Variants in DDX10 observed in about 807,000 individuals in gnomAD.
DDX10 encodes DEAD-box helicase 10, also known as probable ATP-dependent RNA helicase DDX10.
DDX10 carries 74 observed loss-of-function variants against 104.3 expected under a neutral mutation model. That is an observed-to-expected ratio of 0.71 (90% CI 0.59 to 0.86). DDX10 has a LOEUF of 0.86. DDX10 is among the 40% of genes least tolerant of loss of function. The pLI, the probability that DDX10 is intolerant of heterozygous loss-of-function variation, is 0.00. For synonymous variants in DDX10, 351 were observed against 353.4 expected (o/e 0.99, Z 0.08); for missense variants, 952 against 1,040.0 (o/e 0.92, Z 1.16).
intron 6 of DDX10, among the ~76,000 whole-genome samples, chr11:108,682,351 C>T (rs1426113166): frequency 1.3e-5 from 2 of 152,130 alleles, no homozygotes; most frequent in South Asian, 2.1e-4. Flanking sequence ...GTGATCCACC[C>T]GCCTCGGCCT....
intron 6 of DDX10, among the ~76,000 whole-genome samples, chr11:108,681,126 AT>A (rs1047881352): frequency 2.4e-4 from 37 of 152,196 alleles, no homozygotes; most frequent in African/African-American, 8.7e-4. Context: ...CATCAGACAG[AT>A]TTTTTTAATC....
chr11:108,928,728 C>T (rs185316442), intron 17 of DDX10, among the ~76,000 whole-genome samples: 9 of 152,030 alleles, frequency 5.9e-5, no homozygotes, highest in African/African-American at 1.2e-4. Flanking sequence ...GAAGATCTAA[C>T]GAGGGTAAAA....
intron 13 of DDX10, among the ~76,000 whole-genome samples, chr11:108,724,984 T>C (rs1282262380): frequency 2.0e-5 from 3 of 152,068 alleles, no homozygotes; most frequent in African/African-American, 7.2e-5. Context: ...ACATTTCTTA[T>C]TCCCTTTGCA....
rs559877914 is a variant in DDX10 at position 108,783,065 on chromosome 11, T to A, written c.1966-55381T>A. ...TCAGATTATTCATCGCCTCTTTGAA[T>A]CCGTTTCCTAGTGCCCACTCACTAT... On this transcript the variant is annotated intron_variant, in intron 13 of 17. Coordinates refer to ENST00000322536, the MANE Select transcript of DDX10 (RefSeq NM_004398.4). Among the ~76,000 whole-genome samples the A allele has an allele frequency of 7.9e-5, 12 of 152,326 alleles. No individual in the cohort carries two copies. In the South Asian group the frequency reaches 2.5e-3, roughly 32 times the overall value.
At chr11:108,828,175 A>G (rs893967764) in intron 13 of DDX10, among the ~76,000 whole-genome samples, 5 of 152,126 alleles carry the variant, frequency 3.3e-5, no homozygotes, top group African/African-American at 1.2e-4. Context: ...TTATTTCAAC[A>G]GGTTTTTGGT....
intron 16 of DDX10, among the ~76,000 whole-genome samples, chr11:108,898,548 G>A (rs892099436): frequency 7.2e-5 from 11 of 151,770 alleles, no homozygotes; most frequent in African/African-American, 2.7e-4. Flanking sequence ...AAAGCTATTT[G>A]TGGGAGGAAA....
intron 6 of DDX10, among the ~76,000 whole-genome samples, chr11:108,682,186 C>A (rs1426428952): frequency 2.0e-5 from 3 of 152,068 alleles, no homozygotes; most frequent in Non-Finnish European, 4.4e-5. Flanking sequence ...GTCACTGCAG[C>A]CTCTGCCTCC....
At chr11:108,824,308 G>T (rs1435014957) in intron 13 of DDX10, among the ~76,000 whole-genome samples, 1 of 152,172 alleles carries the variant, frequency 6.6e-6, no homozygotes, top group Non-Finnish European at 1.5e-5. Flanking sequence ...CTCGCAAAGT[G>T]GCATGAGCCA....
At chr11:108,910,301 C>T (rs1347864585) in intron 16 of DDX10, among the ~76,000 whole-genome samples, 1 of 152,130 alleles carries the variant, frequency 6.6e-6, no homozygotes, top group Non-Finnish European at 1.5e-5. Context: ...GTTTGTATGA[C>T]CTTGGTAAGT....
At chr11:108,905,410 T>G (rs1863583065) in intron 16 of DDX10, among the ~76,000 whole-genome samples, 1 of 151,070 alleles carries the variant, frequency 6.6e-6, no homozygotes, top group South Asian at 2.1e-4. Context: ...ACTAACTCAC[T>G]GTGAACACTT....
chr11:108,934,223 A>G (rs565349569), intron 17 of DDX10, among the ~76,000 whole-genome samples: 1 of 152,342 alleles, frequency 6.6e-6, no homozygotes, highest in South Asian at 2.1e-4. Flanking sequence ...GATCAATTCA[A>G]TTAAGGTTAT....
chr11:108,833,158 G>C (rs919576900), intron 13 of DDX10, among the ~76,000 whole-genome samples: 4 of 152,176 alleles, frequency 2.6e-5, no homozygotes, highest in African/African-American at 7.2e-5. Context: ...CTGATGTGCT[G>C]GTGATGCCAC....
At chr11:108,906,469 G>A (rs1314836599) in intron 16 of DDX10, among the ~76,000 whole-genome samples, 2 of 152,158 alleles carry the variant, frequency 1.3e-5, no homozygotes, top group Admixed American at 6.5e-5. Flanking sequence ...CTCTTCCAGT[G>A]CTCATAACAG....
At chr11:108,804,225 T>C (rs1457898731) in intron 13 of DDX10, among the ~76,000 whole-genome samples, 7 of 152,052 alleles carry the variant, frequency 4.6e-5, no homozygotes, top group Admixed American at 3.9e-4. Flanking sequence ...AGGCCAGGCA[T>C]GTTGGCTGGT....
rs914414156 is a variant in DDX10, at chr11:108,940,889, T to C, written c.*466T>C. The C allele has an allele frequency of 5.0e-6, 1 of 198,142 alleles. No homozygotes were observed. The highest frequency in any genetic ancestry group is 1.0e-5 in the Non-Finnish European group (1 of 95,860). 12.3% of individuals were successfully genotyped at this position (198,142 alleles called of 1,614,324 possible). ...TGAGAAAGAATGAGTATTTTTGAAT[T>C]GAGATGATCAATAATAAACATATTT... On this transcript the variant is annotated 3_prime_UTR_variant, in exon 18 of 18. Transcript: ENST00000322536.
chr11:108,864,170 C>A (rs902802741), intron 16 of DDX10, among the ~76,000 whole-genome samples: 1 of 152,096 alleles, frequency 6.6e-6, no homozygotes, highest in African/African-American at 2.4e-5. Context: ...CATTAGTATA[C>A]GTTGCCTTTT....
intron 13 of DDX10, among the ~76,000 whole-genome samples, chr11:108,778,095 A>AT (rs537397519): frequency 1.7e-3 from 264 of 152,338 alleles, no homozygotes; most frequent in Middle Eastern, 0.01. Flanking sequence ...GGAAGAGTCA[A>AT]TATTGTGAAG....
chr11:108,693,822 C>G (rs532826769), intron 9 of DDX10, among the ~76,000 whole-genome samples: 1 of 152,286 alleles, frequency 6.6e-6, no homozygotes, highest in Admixed American at 6.5e-5. Context: ...CTTTCTTGTA[C>G]TTTACTTTTC....
At chr11:108,723,565 C>G (rs1192717523) in intron 13 of DDX10, 103 bp downstream of exon 13, 1 of 1,212,196 alleles carries the variant, frequency 8.2e-7, no homozygotes, top group African/African-American at 1.5e-5. Flanking sequence ...GAAACTTAGA[C>G]TGGGTTTCTT....
Sources: allele counts gnomAD v4.1 joint callset (sites outside exome capture counted in the v4.1 genomes callset), GRCh38; gene constraint gnomAD v4.1.1; transcripts MANE v1.5; gene names NCBI Gene and HGNC (gene_info 2026-07-23, HGNC 2026-07-21).